ARMC12: variants seen among roughly 807,000 people sequenced by gnomAD.
ARMC12 encodes armadillo repeat-containing protein 12.
Under a neutral mutation model 37.4 loss-of-function variants are expected in ARMC12, and 25 were observed. The ratio of observed to expected loss-of-function variants is 0.67; its 90% CI spans 0.49 to 0.93. ARMC12 has a LOEUF of 0.93. Among genes scored for constraint, ARMC12 ranks in the 40% least tolerant of loss-of-function variants. ARMC12 has a pLI of 0.00. For missense variants in ARMC12, 384 were observed against 426.6 expected (o/e 0.90, Z 0.88); for synonymous variants, 167 against 176.1 (o/e 0.95, Z 0.41).
Position 35,747,368 on chromosome 6 carries a change from T to C in ARMC12, c.552T>C (p.His184=). The change falls in exon 4 of 6, where the codon CAT becomes CAC. Residue 184 remains histidine, a synonymous_variant. Coordinates refer to ENST00000373866, the MANE Select transcript of ARMC12 (RefSeq NM_001286574.2). ...ACCTTCCACTGCCCGACTATGTGCA[T>C]CCACAGCTGCGACGGGTGATGCCTG... ...LNNLPLPDYV[H]PQLRRVMPAL... is the part of the protein sequence containing the mutation. 6.2e-7 allele frequency: 1 copy of C among 1,614,178 alleles called. No individual in the cohort carries two copies. The highest frequency in any genetic ancestry group is 1.1e-5 in the South Asian group (1 of 91,082).
intron 5 of ARMC12, among the ~76,000 whole-genome samples, chr6:35,748,091 A>G (rs1342098337): frequency 6.6e-6 from 1 of 152,260 alleles, no homozygotes. Flanking sequence ...AAATTAACAA[A>G]TATACCACTA....
chr6:35,742,161 T>C (rs570657717), intron 3 of ARMC12, among the ~76,000 whole-genome samples: 2 of 152,044 alleles, frequency 1.3e-5, no homozygotes, highest in East Asian at 3.9e-4. Context: ...CTGGTCAGGC[T>C]GTGATTCTCA....
the ARMC12 span, among the ~76,000 whole-genome samples, chr6:35,732,025 C>T: frequency 1.3e-5 from 2 of 152,160 alleles, no homozygotes; most frequent in Non-Finnish European, 2.9e-5. Context: ...GAAAGAACAT[C>T]CTGTGCCCGT....
At chr6:35,745,943 G>C (rs1289242452) in intron 3 of ARMC12, among the ~76,000 whole-genome samples, 2 of 152,190 alleles carry the variant, frequency 1.3e-5, no homozygotes, top group Non-Finnish European at 2.9e-5. Context: ...CTACTTGGGA[G>C]GCTGAGGCAG....
chr6:35,738,290 G>GGT lies in ARMC12; in HGVS notation c.310-93_310-92insTG, dbSNP rs1049980491. 7.7e-5 allele frequency: 111 copies of GGT among 1,433,598 alleles called. 2 individuals carry two copies. The highest frequency in any genetic ancestry group is 4.1e-4 in the Admixed American group (21 of 51,358). 88.8% of individuals were successfully genotyped at this position (1,433,598 alleles called of 1,614,324 possible). A position where few individuals can be genotyped will look rare whatever the true frequency, so the allele number is the denominator to read the frequency against. ...CCTCTCTCTGGCTGATAGCGGTGGG[G>GGT]GGGGGGTGTGCGGAGGGATCTTGGT... On this transcript the variant is annotated intron_variant, in intron 2 of 5. Transcript: ENST00000373866.
At chr6:35,744,342 A>G (rs1224499922) in intron 3 of ARMC12, among the ~76,000 whole-genome samples, 3 of 151,848 alleles carry the variant, frequency 2.0e-5, no homozygotes, top group Non-Finnish European at 4.4e-5. Context: ...GGGTTTCACC[A>G]TGTTGGCCAG....
intron 3 of ARMC12, among the ~76,000 whole-genome samples, chr6:35,743,405 A>G (rs574976751): frequency 1.2e-3 from 177 of 152,060 alleles, no homozygotes; most frequent in African/African-American, 4.1e-3. Flanking sequence ...TGTAGTGGAG[A>G]TGGGGTTTCT....
chr6:35,747,305 C>A lies in ARMC12; in HGVS notation c.489C>A (p.Asp163Glu), dbSNP rs150705594. ...KVLELISTIW[D>E]TELHIAGLRL... ...TCGAACTGATCTCCACCATCTGGGA[C>A]ACGGAACTGCACATTGCGGGCCTCA... Residue 163 changes from aspartate to glutamate, a missense_variant, in exon 4 of 6, where the codon GAC (aspartate) becomes GAA (glutamate). Coordinates refer to ENST00000373866, the MANE Select transcript of ARMC12 (RefSeq NM_001286574.2). The A allele has an allele frequency of 1.5e-5, 25 of 1,613,360 alleles. No individual in the cohort carries two copies. In the African/African-American group the frequency reaches 3.2e-4, roughly 21 times the overall value.
At chr6:35,733,339 C>T (rs565390805), upstream of ARMC12, among the ~76,000 whole-genome samples, 4 of 152,286 alleles carry the variant, frequency 2.6e-5, no homozygotes, top group South Asian at 2.1e-4. Flanking sequence ...GTGAAACCTG[C>T]GGAGATAATT....
intron 3 of ARMC12, among the ~76,000 whole-genome samples, chr6:35,742,496 C>CAAAAAAAAAA (rs760070963): frequency 2.3e-5 from 1 of 43,432 alleles, no homozygotes; most frequent in East Asian, 8.0e-4. Context: ...GACTCTGTCT[C>CAAAAAAAAAA]AAAAAAAAAA....
In ARMC12 at chr6:35,739,875, C is replaced by T. The variant is rs111697765; in HGVS notation, c.444+1357C>T. ...ATTATGTAGTCTTGATGAATTAAATCATGTCCAGCTGCTCACCCCTCCCCA... is the reference window on the plus strand; with the variant it reads ...ATTATGTAGTCTTGATGAATTAAATTATGTCCAGCTGCTCACCCCTCCCCA... On this transcript the variant is annotated intron_variant, in intron 3 of 5. Transcript: ENST00000373866. Among the ~76,000 whole-genome samples the T allele has an allele frequency of 2.0e-3, 306 of 152,316 alleles. 1 individual carries two copies. Among genetic ancestry groups the T allele is most frequent in the Non-Finnish European group, 3.7e-3 (250 of 68,024 alleles).
At chr6:35,745,961 G>A (rs183653908) in intron 3 of ARMC12, among the ~76,000 whole-genome samples, 71 of 152,168 alleles carry the variant, frequency 4.7e-4, no homozygotes, top group African/African-American at 1.5e-3. Context: ...CAGGAGAATC[G>A]CTTGTACCTG....
At chr6:35,737,823 G>A (rs1252829325) in intron 1 of ARMC12, among the ~76,000 whole-genome samples, 6 of 152,216 alleles carry the variant, frequency 3.9e-5, no homozygotes, top group South Asian at 2.1e-4. Context: ...ATGATGGTAC[G>A]TTATGGACAA....
At chr6:35,742,011 A>G (rs1767183448) in intron 3 of ARMC12, among the ~76,000 whole-genome samples, 1 of 151,382 alleles carries the variant, frequency 6.6e-6, no homozygotes, top group Admixed American at 6.6e-5. Context: ...GCATGCACCA[A>G]TATGCCCGGC....
upstream of ARMC12, among the ~76,000 whole-genome samples, chr6:35,733,224 G>A (rs571246093): frequency 6.6e-6 from 1 of 152,240 alleles, no homozygotes; most frequent in African/African-American, 2.4e-5. Flanking sequence ...GAGAGGTAGT[G>A]GGTAAGTGGA....
intron 3 of ARMC12, among the ~76,000 whole-genome samples, chr6:35,745,326 G>A (rs1381195061): frequency 1.3e-5 from 2 of 152,156 alleles, no homozygotes; most frequent in Non-Finnish European, 2.9e-5. Context: ...ACAACAACTT[G>A]GATGGTTCTC....
rs35066231 is a variant in ARMC12, at chr6:35,747,299, C to G, written c.483C>G (p.Ile161Met). The G allele has an allele frequency of 6.2e-7, 1 of 1,613,138 alleles. No homozygotes were observed. Among genetic ancestry groups the G allele is most frequent in the African/African-American group, 1.3e-5 (1 of 74,858 alleles). ...SIKVLELIST[I>M]WDTELHIAGL... ...AAGTACTCGAACTGATCTCCACCATCTGGGACACGGAACTGCACATTGCGG... is the reference window on the plus strand; with the variant it reads ...AAGTACTCGAACTGATCTCCACCATGTGGGACACGGAACTGCACATTGCGG... The change falls in exon 4 of 6, where the codon ATC becomes ATG. Residue 161 changes from isoleucine to methionine, a missense_variant. Transcript: ENST00000373866.
At chr6:35,738,921 C>T (rs1767081010) in intron 3 of ARMC12, among the ~76,000 whole-genome samples, 1 of 152,180 alleles carries the variant, frequency 6.6e-6, no homozygotes, top group African/African-American at 2.4e-5. Flanking sequence ...CTTCAGGTAC[C>T]AATCATAGGT....
chr6:35,747,141 A>G, intron 3 of ARMC12, 120 bp from the exon 4 acceptor site: 1 of 1,054,996 alleles, frequency 9.5e-7, no homozygotes, highest in Non-Finnish European at 1.3e-6. Flanking sequence ...AGAGTTAGGG[A>G]GAATTGTCTA....
Sources: allele counts gnomAD v4.1 joint callset (sites outside exome capture counted in the v4.1 genomes callset), GRCh38; gene constraint gnomAD v4.1.1; transcripts MANE v1.5; gene names NCBI Gene and HGNC (gene_info 2026-07-23, HGNC 2026-07-21).